NDUFS1: variants seen among roughly 807,000 people sequenced by gnomAD.
NDUFS1 encodes the protein NADH-ubiquinone oxidoreductase 75 kDa subunit, mitochondrial.
In NDUFS1, 61 loss-of-function variants were observed where a neutral mutation model predicts 84.4. That is an observed-to-expected ratio of 0.72 (90% CI 0.59 to 0.89). The LOEUF (loss-of-function observed/expected upper bound fraction) is 0.89, where lower values mean the gene tolerates loss of function less well. NDUFS1 is among the 40% of genes least tolerant of loss of function. The pLI is 0.00. For missense variants in NDUFS1, 891 were observed against 890.0 expected (o/e 1.00, Z -0.01); for synonymous variants, 275 against 290.0 (o/e 0.95, Z 0.53).
chr2:206,134,388 C>T (rs77726090), intron 13 of NDUFS1, among the ~76,000 whole-genome samples: 138 of 152,210 alleles, frequency 9.1e-4, no homozygotes, highest in African/African-American at 3.1e-3. Context: ...AATCGCAACA[C>T]TCTGGGAGGC....
chr2:206,129,992 G>A, intron 15 of NDUFS1, 96 bp downstream of exon 15: 1 of 1,493,698 alleles, frequency 6.7e-7, no homozygotes. Flanking sequence ...ATTCTCAAAT[G>A]GAAAACATTC....
In NDUFS1 at chr2:206,145,010, C is replaced by A. The variant is rs1239575228; in HGVS notation, c.754G>T (p.Asp252Tyr). 1 of 1,613,770 alleles carries A rather than the reference C, an allele frequency of 6.2e-7. No homozygotes were observed. Among genetic ancestry groups the A allele is most frequent in the East Asian group, 2.2e-5 (1 of 44,862 alleles). Residue 252 changes from aspartate (D) to tyrosine (Y), a missense_variant, in exon 9 of 19, where the codon GAT becomes TAT. Transcript: ENST00000233190. ...TTACTTCCAACCGCATCCATTACAT[C>A]AATGGATTCTGTCTTTCTGAGAAAC... ...PWETRKTESI[D>Y]VMDAVGSNIV...
chr2:206,130,144 T>G lies in NDUFS1; in HGVS notation c.1652A>C (p.Asp551Ala). The change falls in exon 15 of 19, where the codon GAT (aspartate) becomes GCT (alanine). Residue 551 changes from aspartate to alanine, a missense_variant. By Grantham distance (126) the Asp-to-Ala change is moderately radical. Transcript: ENST00000233190. ...ATCCTGTCGTGTGATACAACCTCCA[T>G]CTGCTCCCAGGAGAAACAGCACCTT... is the stretch of plus-strand genomic sequence containing the variant. ...PPKVLFLLGA[D>A]GGCITRQDLP... 1 of 1,614,158 alleles carries G rather than the reference T, an allele frequency of 6.2e-7. No homozygotes were observed. Among genetic ancestry groups the G allele is most frequent in the Non-Finnish European group, 8.5e-7 (1 of 1,180,006 alleles).
intron 14 of NDUFS1, 24 bp downstream of exon 14, chr2:206,132,921 A>T: frequency 6.3e-7 from 1 of 1,591,970 alleles, no homozygotes; most frequent in Non-Finnish European, 8.6e-7. Flanking sequence ...AATTTATAGT[A>T]TATAAAGCAA....
At chr2:206,150,959 GA>G (rs1408719577) in intron 3 of NDUFS1, among the ~76,000 whole-genome samples, 1 of 151,718 alleles carries the variant, frequency 6.6e-6, no homozygotes, top group Admixed American at 6.6e-5. Context: ...TACGACGGGG[GA>G]AAAAATCCCT....
intron 9 of NDUFS1, 63 bp from the exon 10 acceptor site, chr2:206,144,195 T>C: frequency 8.1e-7 from 1 of 1,242,200 alleles, no homozygotes; most frequent in Non-Finnish European, 1.2e-6. Context: ...ATTTTCAAGT[T>C]AAATCAACAA....
chr2:206,147,903 C>A, intron 5 of NDUFS1, 69 bp from the exon 6 acceptor site: 1 of 1,359,376 alleles, frequency 7.4e-7, no homozygotes. Flanking sequence ...TGCTGGCACT[C>A]AAAATGACCT....
chr2:206,152,632 G>A (rs186049551), intron 2 of NDUFS1, 122 bp from the exon 3 acceptor site: 23 of 770,476 alleles, frequency 3.0e-5, no homozygotes, highest in Non-Finnish European at 4.1e-5. Flanking sequence ...CCTCTGTATT[G>A]CTCTGGATGC....
chr2:206,149,229 T>G (rs931247483), intron 4 of NDUFS1, 133 bp from the exon 5 acceptor site: 23 of 701,858 alleles, frequency 3.3e-5, no homozygotes, highest in Admixed American at 5.4e-5. Context: ...AATAGGGTAT[T>G]TTTTAAAACT....
rs1031123215 is a variant in NDUFS1 at position 206,123,518 on chromosome 2, A to G, written c.*667T>C. 6.6e-6 allele frequency: 1 copy of G among 152,204 alleles called. No individual in the cohort carries two copies. The highest frequency in any genetic ancestry group is 2.4e-5 in the African/African-American group (1 of 41,452). The allele number at this position is 152,204 out of a possible 1,614,324, so 9.4% of individuals were successfully genotyped here. On this transcript the variant is annotated 3_prime_UTR_variant, in exon 19 of 19. Coordinates refer to ENST00000233190, the MANE Select transcript of NDUFS1 (RefSeq NM_005006.7). The stretch of plus-strand genomic sequence containing the variant: ...AGAACAACAGGCTTTGGAGTAAATA[A>G]GAAGTAGGTTTGAGTTGGTGACTTT...
Position 206,116,724 on chromosome 2 carries a change from A to C in NDUFS1, c.*7461T>G. The C allele has an allele frequency of 3.8e-6, 1 of 260,346 alleles. No homozygotes were observed. Among genetic ancestry groups the C allele is most frequent in the Non-Finnish European group, 7.5e-6 (1 of 133,574 alleles). 16.1% of individuals were successfully genotyped at this position (260,346 alleles called of 1,614,324 possible). ...AACATAGTGAGACCTGTCTCTATAA[A>C]ATATTTTTAAAAATTAGCTGGGCGC... is the stretch of plus-strand genomic sequence containing the variant. On this transcript the variant is annotated 3_prime_UTR_variant, in exon 19 of 19. Coordinates refer to ENST00000233190, the MANE Select transcript of NDUFS1 (RefSeq NM_005006.7).
chr2:206,126,488 G>T, intron 18 of NDUFS1, 51 bp downstream of exon 18: 1 of 1,511,356 alleles, frequency 6.6e-7, no homozygotes, highest in South Asian at 1.1e-5. Context: ...GAGGTGATCT[G>T]ATTACTTCTT....
In NDUFS1 at chr2:206,123,255, A is replaced by G. The variant is rs1284856289; in HGVS notation, c.*930T>C. On this transcript the variant is annotated 3_prime_UTR_variant, in exon 19 of 19. Coordinates refer to ENST00000233190, the MANE Select transcript of NDUFS1 (RefSeq NM_005006.7). ...TTAGGATAATGAATACAGAACATCAATGAGAATCTAAATTATATCTCTTGA... is the reference window on the plus strand; with the variant it reads ...TTAGGATAATGAATACAGAACATCAGTGAGAATCTAAATTATATCTCTTGA... The G allele has an allele frequency of 6.6e-6, 1 of 151,888 alleles. No homozygotes were observed. Among genetic ancestry groups the G allele is most frequent in the Non-Finnish European group, 1.5e-5 (1 of 67,984 alleles). The allele number at this position is 151,888 out of a possible 1,614,324, so 9.4% of individuals were successfully genotyped here.
In NDUFS1 at chr2:206,152,399, T is replaced by C. The variant is rs559518875; in HGVS notation, c.153+20A>G. 1.3e-6 allele frequency: 2 copies of C among 1,594,254 alleles called. No homozygotes were observed. Among genetic ancestry groups the C allele is most frequent in the African/African-American group, 2.7e-5 (2 of 74,512 alleles). On this transcript the variant is annotated intron_variant, in intron 3 of 18. Coordinates refer to ENST00000233190, the MANE Select transcript of NDUFS1 (RefSeq NM_005006.7). ...AAAAAATCAGAACACACACACAAAA[T>C]AGTTAGAATGTATGCCTACTTGGAG...
chr2:206,140,433 G>A (rs1691892421), intron 12 of NDUFS1, among the ~76,000 whole-genome samples: 1 of 152,082 alleles, frequency 6.6e-6, no homozygotes, highest in African/African-American at 2.4e-5. Context: ...GAACCCAGGA[G>A]GCAGAGGATA....
In NDUFS1 at chr2:206,149,933, TAAAAAAAAAAA is replaced by T. The variant is rs568965659; in HGVS notation, c.154-19_154-9del. 7.0e-5 allele frequency: 42 copies of T among 604,110 alleles called. No individual in the cohort carries two copies. The East Asian group carries it at 1.1e-3, about 15-fold the overall frequency. 37.4% of individuals were successfully genotyped at this position (604,110 alleles called of 1,614,324 possible). A position where few individuals can be genotyped will look rare whatever the true frequency, so the allele number is the denominator to read the frequency against. On this transcript the variant is annotated splice_polypyrimidine_tract_variant and intron_variant, in intron 3 of 18. Transcript: ENST00000233190. ...GCCAACCTTCTCACAAGCCTAGAAG[TAAAAAAAAAAA>T]AAAAAAAAAAAAAAGCATTAGAATA...
At chr2:206,133,657 A>C (rs6740535) in intron 13 of NDUFS1, among the ~76,000 whole-genome samples, 6 of 152,008 alleles carry the variant, frequency 3.9e-5, no homozygotes, top group African/African-American at 1.4e-4. Flanking sequence ...GGAAACTACA[A>C]ATTTCACAGA....
Position 206,156,407 on chromosome 2 carries a change from T to C in NDUFS1, c.-4-2725A>G, listed in dbSNP as rs987384913. Reference sequence around the variant, plus strand: ...GGGCAACACAGCATGATCCCATCTCTACCAAAAAAAAAAAAAAATTAGCTG... The same window carrying C: ...GGGCAACACAGCATGATCCCATCTCCACCAAAAAAAAAAAAAAATTAGCTG... On this transcript the variant is annotated intron_variant, in intron 1 of 18. Transcript: ENST00000233190. 4.8e-5 allele frequency among the ~76,000 whole-genome samples: 7 copies of C among 145,034 alleles called. No individual in the cohort carries two copies. In the South Asian group the frequency reaches 8.8e-4, roughly 18 times the overall value.
At position 206,144,959 on chromosome 2, in the gene NDUFS1, C is replaced by A; in HGVS notation, c.805G>T (p.Glu269Ter). The change falls in exon 9 of 19, where the codon GAA becomes TAA. Residue 269 changes from glutamate (E) to a stop codon, truncating the protein, a stop_gained. Transcript: ENST00000233190. LOFTEE classifies it high-confidence loss of function. ...SNIVVSTRTG[E>*]VMRILPRMHE... ...ATACGTGGCAAAATCCTCATCACTTCTCCAGTTCTTGTGCTAACCACAATA... is the reference window on the plus strand; with the variant it reads ...ATACGTGGCAAAATCCTCATCACTTATCCAGTTCTTGTGCTAACCACAATA... 6.2e-7 allele frequency: 1 copy of A among 1,614,068 alleles called. No homozygotes were observed. The highest frequency in any genetic ancestry group is 2.2e-5 in the East Asian group (1 of 44,868).
Sources: gnomAD v4.1 joint callset for allele counts (sites outside exome capture counted in the v4.1 genomes callset) on GRCh38, gnomAD v4.1.1 for gene constraint, MANE v1.5 for transcripts, NCBI Gene and HGNC (gene_info 2026-07-23, HGNC 2026-07-21) for gene names.